Variants in MAN2B2 observed in about 807,000 individuals in gnomAD.
MAN2B2 encodes the protein mannosidase alpha class 2B member 2, also known as epididymis-specific alpha-mannosidase.
Under a neutral mutation model 117.1 loss-of-function variants are expected in MAN2B2, and 106 were observed. The ratio of observed to expected loss-of-function variants is 0.90; its 90% CI spans 0.77 to 1.06. The LOEUF (loss-of-function observed/expected upper bound fraction) is 1.06. MAN2B2 is among the 50% of genes least tolerant of loss of function. The probability of loss-of-function intolerance (pLI) is 0.00; values close to 1 mark genes in which losing one functional copy is unlikely to be tolerated. For missense variants in MAN2B2, 1,326 were observed against 1,381.4 expected (o/e 0.96, Z 0.64); for synonymous variants, 544 against 595.1 (o/e 0.91, Z 1.25).
At chr4:6,586,881 G>A in intron 3 of MAN2B2, 115 bp from the exon 4 acceptor site, 1 of 856,530 alleles carries the variant, frequency 1.2e-6, no homozygotes, top group East Asian at 2.5e-5. Flanking sequence ...ACCCTGCCTG[G>A]CCCAGTAGCT....
rs1726921645 is a variant in MAN2B2 at position 6,593,180 on chromosome 4, T to G, written c.688T>G (p.Phe230Val). 6.2e-7 allele frequency: 1 copy of G among 1,613,602 alleles called. No homozygotes were observed. Among genetic ancestry groups the G allele is most frequent in the African/African-American group, 1.3e-5 (1 of 74,924 alleles). Reference protein sequence around the residue: ...SHIPFSNRSGFYWNGVAVFPK... With the variant: ...SHIPFSNRSGVYWNGVAVFPK... The stretch of plus-strand genomic sequence containing the variant: ...CCTTCTGCCCTCGCACAGGTCAGGA[T>G]TTTACTGGAATGGCGTGGCTGTCTT... Residue 230 changes from phenylalanine to valine, a missense_variant, in exon 6 of 19, where the codon TTT becomes GTT. Physicochemically the swap from Phe to Val is conservative, Grantham distance 50. Coordinates refer to ENST00000285599, the MANE Select transcript of MAN2B2 (RefSeq NM_015274.3).
chr4:6,592,070 G>A (rs1395942787), intron 5 of MAN2B2, among the ~76,000 whole-genome samples: 1 of 152,244 alleles, frequency 6.6e-6, no homozygotes, highest in African/African-American at 2.4e-5. Context: ...GCAGCAGTCA[G>A]CCTTGGTCTC....
chr4:6,577,230 G>T (rs1330450530), intron 2 of MAN2B2, among the ~76,000 whole-genome samples: 1 of 152,132 alleles, frequency 6.6e-6, no homozygotes, highest in Non-Finnish European at 1.5e-5. Flanking sequence ...TCCTGCTCCC[G>T]CACCAGGGGA....
At position 6,594,249 on chromosome 4, in the gene MAN2B2, C is replaced by T. The variant is rs562446078; in HGVS notation, c.859-285C>T. 7.2e-5 allele frequency among the ~76,000 whole-genome samples: 11 copies of T among 152,282 alleles called. No homozygotes were observed. In the East Asian group the frequency reaches 1.9e-3, roughly 27 times the overall value. The stretch of plus-strand genomic sequence containing the variant: ...CCTGAGGTCAGGAGTTCGGGACCAG[C>T]CTGGCCAACATGGTAAAACCCTGTC... On this transcript the variant is annotated intron_variant, in intron 6 of 18. Coordinates refer to ENST00000285599, the MANE Select transcript of MAN2B2 (RefSeq NM_015274.3).
intron 17 of MAN2B2, 54 bp downstream of exon 17, chr4:6,617,546 G>A (rs761797619): frequency 1.5e-5 from 24 of 1,599,188 alleles, no homozygotes; most frequent in Non-Finnish European, 2.0e-5. Context: ...AACCCTAGAT[G>A]AAGCCCCAAG....
In MAN2B2 at chr4:6,589,125, C is replaced by T; in HGVS notation, c.645C>T (p.Ser215=). ...EIFTHIMDQY[S]YCTPSHIPFS... is the part of the protein sequence containing the mutation. ...TCACGCACATCATGGACCAGTACAG[C>T]TACTGCACCCCGTCCCACATCCCTT... The change falls in exon 5 of 19, where the codon AGC becomes AGT. Residue 215 remains serine, a synonymous_variant. Coordinates refer to ENST00000285599, the MANE Select transcript of MAN2B2 (RefSeq NM_015274.3). 1.2e-6 allele frequency: 2 copies of T among 1,614,200 alleles called. No individual in the cohort carries two copies. The highest frequency in any genetic ancestry group is 1.1e-5 in the South Asian group (1 of 91,088).
Position 6,587,128 on chromosome 4 carries a change from G to C in MAN2B2, c.524G>C (p.Arg175Pro). 3.1e-6 allele frequency: 5 copies of C among 1,613,750 alleles called. No homozygotes were observed. Among genetic ancestry groups the C allele is most frequent in the Non-Finnish European group, 4.2e-6 (5 of 1,179,980 alleles). Residue 175 changes from arginine (R) to proline (P), a missense_variant, in exon 4 of 19, where the codon CGG becomes CCG. By Grantham distance (103) the Arg-to-Pro change is moderately radical (BLOSUM62 -2). Transcript: ENST00000285599. ...LAGFNAHLGSRIDYDLKAAMQ... is the reference protein window; with the variant it reads ...LAGFNAHLGSPIDYDLKAAMQ... ...GGCTTCAATGCCCACCTCGGCTCCC[G>C]GATCGACTACGACCTGAAGGCAGCC...
intron 4 of MAN2B2, among the ~76,000 whole-genome samples, chr4:6,588,254 G>A (rs1451114404): frequency 2.6e-5 from 4 of 152,180 alleles, no homozygotes; most frequent in Non-Finnish European, 5.9e-5. Flanking sequence ...GAGGGAAGGG[G>A]CTGCTCCAGG....
intron 16 of MAN2B2, among the ~76,000 whole-genome samples, chr4:6,614,618 C>T (rs963943635): frequency 1.3e-5 from 2 of 152,186 alleles, no homozygotes; most frequent in Non-Finnish European, 2.9e-5. Flanking sequence ...CCTGCCACCC[C>T]CAGCTGAGAC....
chr4:6,583,498 G>A (rs1726521468), intron 3 of MAN2B2, among the ~76,000 whole-genome samples: 1 of 152,206 alleles, frequency 6.6e-6, no homozygotes, highest in African/African-American at 2.4e-5. Flanking sequence ...TCACCCTGAA[G>A]TCTCAGGAAT....
intron 10 of MAN2B2, 133 bp downstream of exon 10, chr4:6,600,889 C>T: frequency 8.6e-7 from 1 of 1,158,054 alleles, no homozygotes. Flanking sequence ...AACTGAGGCT[C>T]AGAGAAGCAA....
At chr4:6,602,292 A>G (rs1267533013) in intron 10 of MAN2B2, among the ~76,000 whole-genome samples, 1 of 152,236 alleles carries the variant, frequency 6.6e-6, no homozygotes, top group Non-Finnish European at 1.5e-5. Flanking sequence ...TAAATGACAT[A>G]CATTTATTTC....
chr4:6,578,700 T>A (rs1726163855), intron 3 of MAN2B2, among the ~76,000 whole-genome samples: 2 of 152,120 alleles, frequency 1.3e-5, no homozygotes, highest in Non-Finnish European at 2.9e-5. Flanking sequence ...GCATGGATGC[T>A]AGAGTCAGAT....
intron 3 of MAN2B2, 67 bp from the exon 4 acceptor site, chr4:6,586,929 G>C (rs1432734588): frequency 6.6e-6 from 10 of 1,506,726 alleles, no homozygotes; most frequent in Non-Finnish European, 9.1e-6. Context: ...GTCCCCTGGG[G>C]TGAGGATGGG....
chr4:6,593,350 G>T lies in MAN2B2; in HGVS notation c.858G>T (p.Trp286Cys), dbSNP rs766924989. The stretch of plus-strand genomic sequence containing the variant: ...GGACACCGCACGTCCTCTGGCCCTG[G>T]GTAAGGCAGAGTCCCAGGTGCTGTG... ...WFRTPHVLWP[W>C]GCDKQFFNAS... Residue 286 changes from tryptophan (W) to cysteine (C), a missense_variant and splice_region_variant, in exon 6 of 19, where the codon TGG (tryptophan) becomes TGT (cysteine). Coordinates refer to ENST00000285599, the MANE Select transcript of MAN2B2 (RefSeq NM_015274.3). The T allele has an allele frequency of 3.7e-6, 6 of 1,610,732 alleles. No homozygotes were observed. Among genetic ancestry groups the T allele is most frequent in the Non-Finnish European group, 1.7e-6 (2 of 1,178,600 alleles).
intron 9 of MAN2B2, among the ~76,000 whole-genome samples, chr4:6,598,626 A>C (rs906058967): frequency 5.3e-5 from 8 of 152,220 alleles, no homozygotes; most frequent in African/African-American, 1.9e-4. Context: ...AATACCCTTC[A>C]TGCAGTATTG....
At chr4:6,593,500 T>C (rs1045767085) in intron 6 of MAN2B2, 150 bp downstream of exon 6, 2 of 765,124 alleles carry the variant, frequency 2.6e-6, no homozygotes, top group Non-Finnish European at 3.9e-6. Flanking sequence ...TGCAGACCCC[T>C]GGGCCTCTCC....
intron 1 of MAN2B2, 137 bp downstream of exon 1, chr4:6,575,485 A>G: frequency 1.8e-6 from 1 of 570,768 alleles, no homozygotes; most frequent in Non-Finnish European, 2.9e-6. Context: ...CCACGCTGCC[A>G]TTGACTGGTT....
chr4:6,605,381 G>A (rs777517168), intron 11 of MAN2B2, 52 bp downstream of exon 11: 2 of 1,555,268 alleles, frequency 1.3e-6, no homozygotes, highest in African/African-American at 1.3e-5. Flanking sequence ...TGGAGCCTGG[G>A]CATGTCAGGC....
Sources: gnomAD v4.1 joint callset for allele counts (sites outside exome capture counted in the v4.1 genomes callset) on GRCh38, gnomAD v4.1.1 for gene constraint, MANE v1.5 for transcripts, NCBI Gene and HGNC (gene_info 2026-07-23, HGNC 2026-07-21) for gene names.